MTNAP1: variants seen among roughly 807,000 people sequenced by gnomAD.
The protein encoded by MTNAP1 is mitochondrial nucleoid associated protein 1, also known as mitochondrial nucleoid-associated protein 1.
At chr17:73,242,966 C>T in the MTNAP1 span, 1 of 1,613,836 alleles carries the variant, frequency 6.2e-7, no homozygotes, top group Non-Finnish European at 8.5e-7. Flanking sequence ...TCACAGGATA[C>T]TTCGTCCTGT....
chr17:73,241,862 G>C, the MTNAP1 span, among the ~76,000 whole-genome samples: 117 of 152,278 alleles, frequency 7.7e-4, 1 homozygote, highest in African/African-American at 2.7e-3. Context: ...CCAGGAGGTA[G>C]AGGTTGCAGT....
At chr17:73,234,321 G>GTT in the MTNAP1 span, among the ~76,000 whole-genome samples, 73,154 of 150,216 alleles carry the variant, frequency 0.49, 17,803 homozygotes, top group East Asian at 0.61. Context: ...TGGTATAAAT[G>GTT]TTTTTTTTTT....
chr17:73,246,736 A>G, the MTNAP1 span, among the ~76,000 whole-genome samples: 5 of 152,304 alleles, frequency 3.3e-5, no homozygotes, highest in East Asian at 7.7e-4. Context: ...TCAGCAATAT[A>G]TCCCTGTATC....
At chr17:73,243,365 G>T in the MTNAP1 span, among the ~76,000 whole-genome samples, 1 of 151,938 alleles carries the variant, frequency 6.6e-6, no homozygotes, top group Non-Finnish European at 1.5e-5. Context: ...TGTGGGTCAG[G>T]CTGGTCTCGA....
At chr17:73,242,297 G>A in the MTNAP1 span, 21 of 1,606,362 alleles carry the variant, frequency 1.3e-5, no homozygotes, top group Middle Eastern at 1.7e-4. Flanking sequence ...ACCCCCTGCC[G>A]GACTTACAAC....
the MTNAP1 span, chr17:73,244,597 TG>T: frequency 1.6e-4 from 24 of 150,042 alleles, no homozygotes; most frequent in East Asian, 2.3e-3. Flanking sequence ...CCAGTATTTT[TG>T]TACAATTAAA....
the MTNAP1 span, among the ~76,000 whole-genome samples, chr17:73,244,244 G>A: frequency 1.3e-5 from 2 of 152,170 alleles, no homozygotes; most frequent in African/African-American, 4.8e-5. Context: ...TTAAATTTTT[G>A]TGCTGGTTTT....
the MTNAP1 span, among the ~76,000 whole-genome samples, chr17:73,239,747 C>G: frequency 6.6e-6 from 1 of 151,822 alleles, no homozygotes; most frequent in Non-Finnish European, 1.5e-5. Context: ...TCTCGAACTC[C>G]TGACCTCAGG....
chr17:73,246,908 C>T, the MTNAP1 span, among the ~76,000 whole-genome samples: 1 of 152,146 alleles, frequency 6.6e-6, no homozygotes, highest in East Asian at 1.9e-4. Context: ...AGGAGAGATG[C>T]TTAAGGATTC....
At chr17:73,247,336 G>A in the MTNAP1 span, 70 of 1,614,054 alleles carry the variant, frequency 4.3e-5, no homozygotes, top group Non-Finnish European at 5.7e-5. Flanking sequence ...AACATGTTTG[G>A]ATTAGGAAGC....
the MTNAP1 span, among the ~76,000 whole-genome samples, chr17:73,234,433 T>C: frequency 1.4e-5 from 2 of 142,730 alleles, no homozygotes; most frequent in African/African-American, 2.6e-5. Flanking sequence ...GTCTCACGCC[T>C]GTAATCCCAG....
At chr17:73,234,773 C>CTGTGTGTGTG in the MTNAP1 span, among the ~76,000 whole-genome samples, 45 of 146,062 alleles carry the variant, frequency 3.1e-4, no homozygotes, top group East Asian at 6.5e-3. Flanking sequence ...TTATGTATAT[C>CTGTGTGTGTG]TGTGTGTGTG....
the MTNAP1 span, chr17:73,248,488 C>G: frequency 2.6e-6 from 4 of 1,551,536 alleles, no homozygotes; most frequent in African/African-American, 1.4e-5. Flanking sequence ...AGGTAAGAAG[C>G]AACGCTTAGA....
the MTNAP1 span, chr17:73,245,717 C>T: frequency 2.0e-6 from 2 of 985,344 alleles, no homozygotes; most frequent in Non-Finnish European, 2.4e-6. Context: ...GATGGGCATT[C>T]GAGTTGCAGG....
At chr17:73,247,211 CT>C in the MTNAP1 span, 1 of 1,601,546 alleles carries the variant, frequency 6.2e-7, no homozygotes, top group Non-Finnish European at 8.6e-7. Context: ...CCCTGAAAAG[CT>C]GAAAATATTT....
At chr17:73,247,165 A>G in the MTNAP1 span, 11 of 1,338,946 alleles carry the variant, frequency 8.2e-6, no homozygotes, top group African/African-American at 1.4e-5. Flanking sequence ...TCACACAACA[A>G]CAGCAAAGTC....
the MTNAP1 span, among the ~76,000 whole-genome samples, chr17:73,237,712 G>T: frequency 6.9e-6 from 1 of 144,574 alleles, no homozygotes; most frequent in Non-Finnish European, 1.5e-5. Flanking sequence ...CAAGAAATAG[G>T]TTCTAAGTTT....
At chr17:73,246,600 C>T in the MTNAP1 span, among the ~76,000 whole-genome samples, 2 of 152,192 alleles carry the variant, frequency 1.3e-5, no homozygotes, top group African/African-American at 4.8e-5. Flanking sequence ...TGTCGTTTCT[C>T]TCTCTTCTCA....
chr17:73,245,996 C>T, the MTNAP1 span, among the ~76,000 whole-genome samples: 1 of 152,108 alleles, frequency 6.6e-6, no homozygotes, highest in Non-Finnish European at 1.5e-5. Flanking sequence ...TCTCATCAAA[C>T]TATTCAGTGT....
Sources: gnomAD v4.1 joint callset for allele counts (sites outside exome capture counted in the v4.1 genomes callset) on GRCh38, gnomAD v4.1.1 for gene constraint, MANE v1.5 for transcripts, NCBI Gene and HGNC (gene_info 2026-07-23, HGNC 2026-07-21) for gene names.